GRB2: variants seen among roughly 807,000 people sequenced by gnomAD.
GRB2 encodes the protein growth factor receptor bound protein 2.
In GRB2, 2 loss-of-function variants were observed where a neutral mutation model predicts 27.4. That is an observed-to-expected ratio of 0.07 (90% confidence interval 0.03 to 0.23). The LOEUF is 0.23. GRB2 is among the 10% of genes least tolerant of loss of function. The pLI is 1.00. For synonymous variants in GRB2, 94 were observed against 99.6 expected, an observed-to-expected ratio of 0.94 and a Z score of 0.33; for missense variants, 102 against 282.4, an observed-to-expected ratio of 0.36 and a Z score of 4.58.
At chr17:75,363,859 C>CAAAA (rs55746272) in intron 2 of GRB2, among the ~76,000 whole-genome samples, 51 of 58,530 alleles carry the variant, frequency 8.7e-4, no homozygotes, top group African/African-American at 1.7e-3. Flanking sequence ...GACTCCGTCT[C>CAAAA]AAAAAAAAAA....
chr17:75,361,659 G>GA (rs2078782536), intron 2 of GRB2, among the ~76,000 whole-genome samples: 1 of 152,130 alleles, frequency 6.6e-6, no homozygotes, highest in Non-Finnish European at 1.5e-5. Flanking sequence ...ATGGAGTGGG[G>GA]AGACGGTGAT....
chr17:75,392,600 TGAG>T (rs1213713244), intron 2 of GRB2, among the ~76,000 whole-genome samples: 4 of 152,152 alleles, frequency 2.6e-5, no homozygotes, highest in Admixed American at 6.5e-5. Flanking sequence ...AGTAAACAAA[TGAG>T]GTAGCAAATT....
chr17:75,341,519 C>G (rs538823361), intron 2 of GRB2, among the ~76,000 whole-genome samples: 1 of 149,662 alleles, frequency 6.7e-6, no homozygotes, highest in South Asian at 2.1e-4. Flanking sequence ...CCTCCTGACC[C>G]CTGGTGATGG....
At position 75,337,558 on chromosome 17, in the gene GRB2, T is replaced by C. The variant is rs1394268315; in HGVS notation, c.79-4761A>G. Among the ~76,000 whole-genome samples the C allele has an allele frequency of 2.7e-5, 4 of 145,624 alleles. No individual in the cohort carries two copies. The South Asian group carries it at 8.8e-4, about 32-fold the overall frequency. On this transcript the variant is annotated intron_variant, in intron 2 of 5. Transcript: ENST00000316804. ...ACATCCTTCACAAATAATTTTTATT[T>C]TATTACTGTTACTATTTTTTTTTTT...
Position 75,382,332 on chromosome 17 carries a change from TA to T in GRB2, c.78+11218del, listed in dbSNP as rs36064287. Among the ~76,000 whole-genome samples, 306 of 152,314 alleles carry T rather than the reference TA, an allele frequency of 2.0e-3. 2 individuals carry two copies. The highest frequency in any genetic ancestry group is 2.2e-3 in the Non-Finnish European group (147 of 68,032). On this transcript the variant is annotated intron_variant, in intron 2 of 5. Coordinates refer to ENST00000316804, the MANE Select transcript of GRB2 (RefSeq NM_002086.5). ...ATTAGTTGAAAATAAAAGCCACTGT[TA>T]AAACGAAGAAAAAAACTTTCACTAT...
At chr17:75,373,977 A>G (rs1477685778) in intron 2 of GRB2, among the ~76,000 whole-genome samples, 1 of 151,306 alleles carries the variant, frequency 6.6e-6, no homozygotes, top group Non-Finnish European at 1.5e-5. Flanking sequence ...TTGCATTTTT[A>G]GTAGAGACAG....
intron 2 of GRB2, among the ~76,000 whole-genome samples, chr17:75,346,053 G>T (rs770368193): frequency 1.5e-3 from 230 of 152,288 alleles, no homozygotes; most frequent in Non-Finnish European, 2.6e-3. Flanking sequence ...AGGAGGTGCA[G>T]GTGGGTGGGG....
intron 2 of GRB2, among the ~76,000 whole-genome samples, chr17:75,341,452 A>G (rs867334401): frequency 2.7e-5 from 1 of 37,520 alleles, no homozygotes; most frequent in Non-Finnish European, 2.1e-4. Context: ...TCCATTAAAA[A>G]AAAAAAAAAA....
rs183297918 is a variant in GRB2 at position 75,328,677 on chromosome 17, G to A, written c.177-2657C>T. 5.9e-3 allele frequency among the ~76,000 whole-genome samples: 898 copies of A among 151,786 alleles called. 5 individuals carry two copies. Among genetic ancestry groups the A allele is most frequent in the African/African-American group, 0.021 (852 of 41,376 alleles). On this transcript the variant is annotated intron_variant, in intron 3 of 5. Transcript: ENST00000316804. Reference sequence around the variant, plus strand: ...AAATAGGCCGGGTGTGGTGGCTCACGCCTGTAATCCCAGCACTTTGGGAGG... The same window carrying A: ...AAATAGGCCGGGTGTGGTGGCTCACACCTGTAATCCCAGCACTTTGGGAGG...
At chr17:75,335,300 C>T (rs181101170) in intron 2 of GRB2, among the ~76,000 whole-genome samples, 1 of 152,076 alleles carries the variant, frequency 6.6e-6, no homozygotes, top group Non-Finnish European at 1.5e-5. Flanking sequence ...AAATGGTGGG[C>T]CCAGGAAAAT....
At chr17:75,367,640 T>C (rs1263921876) in intron 2 of GRB2, among the ~76,000 whole-genome samples, 1 of 152,238 alleles carries the variant, frequency 6.6e-6, no homozygotes, top group Admixed American at 6.5e-5. Context: ...CTTTACTTGA[T>C]ACAGCAGTGG....
At chr17:75,401,419 T>C (rs2079062999) in intron 1 of GRB2, among the ~76,000 whole-genome samples, 1 of 124,278 alleles carries the variant, frequency 8.0e-6, no homozygotes, top group Admixed American at 1.1e-4. Flanking sequence ...CAGTCCGCAG[T>C]CCGGCCTGGG....
Position 75,393,729 on chromosome 17 carries a change from G to T in GRB2, c.-101C>A. On this transcript the variant is annotated 5_prime_UTR_variant, in exon 2 of 6. Coordinates refer to ENST00000316804, the MANE Select transcript of GRB2 (RefSeq NM_002086.5). ...TGGGCTTAGCCTCGCCTCTCTTCTGGGACTCGCTCCGGCACTCTGGGACAC... is the reference window on the plus strand; with the variant it reads ...TGGGCTTAGCCTCGCCTCTCTTCTGTGACTCGCTCCGGCACTCTGGGACAC... 1 of 875,464 alleles carries T rather than the reference G, an allele frequency of 1.1e-6. No homozygotes were observed. 54.2% of individuals were successfully genotyped at this position (875,464 alleles called of 1,614,324 possible). A position where few individuals can be genotyped will look rare whatever the true frequency, so the allele number is the denominator to read the frequency against.
intron 4 of GRB2, among the ~76,000 whole-genome samples, chr17:75,322,895 G>A (rs376363742): frequency 1.3e-5 from 2 of 152,044 alleles, no homozygotes; most frequent in Non-Finnish European, 2.9e-5. Context: ...CGAGGTGGGC[G>A]GATCATAAGG....
At chr17:75,327,487 C>G (rs1442589213) in intron 3 of GRB2, among the ~76,000 whole-genome samples, 1 of 151,950 alleles carries the variant, frequency 6.6e-6, no homozygotes, top group Non-Finnish European at 1.5e-5. Flanking sequence ...TCTCCTGCCT[C>G]AGCTTCCCTA....
intron 2 of GRB2, among the ~76,000 whole-genome samples, chr17:75,352,487 G>A (rs2078698983): frequency 6.6e-6 from 1 of 152,150 alleles, no homozygotes; most frequent in Admixed American, 6.5e-5. Flanking sequence ...AAGGAGAAAT[G>A]TGTGTACAAT....
intron 2 of GRB2, 131 bp downstream of exon 2, chr17:75,393,420 G>A (rs2079010382): frequency 3.9e-6 from 3 of 774,500 alleles, no homozygotes; most frequent in Admixed American, 4.0e-5. Context: ...AAGCTCTCCA[G>A]AACAAATATG....
chr17:75,359,507 A>AAATCAT (rs1555611153), intron 2 of GRB2, among the ~76,000 whole-genome samples: 2 of 148,206 alleles, frequency 1.3e-5, no homozygotes, highest in Non-Finnish European at 3.0e-5. Context: ...CATTGTCTCA[A>AAATCAT]AATAATAATA....
chr17:75,343,439 A>G (rs1413956048), intron 2 of GRB2, among the ~76,000 whole-genome samples: 1 of 152,206 alleles, frequency 6.6e-6, no homozygotes, highest in Non-Finnish European at 1.5e-5. Flanking sequence ...GTTTCTTTAT[A>G]ATGTTCATAC....
Sources: gnomAD v4.1 joint callset for allele counts (sites outside exome capture counted in the v4.1 genomes callset) on GRCh38, gnomAD v4.1.1 for gene constraint, MANE v1.5 for transcripts, NCBI Gene and HGNC (gene_info 2026-07-23, HGNC 2026-07-21) for gene names.